The following CD200R1 variants were observed in gnomAD, a reference collection of about 807,000 sequenced individuals.
The protein encoded by CD200R1 is cell surface glycoprotein CD200 receptor 1.
In CD200R1, 30 loss-of-function variants were observed where a neutral mutation model predicts 38.1. That is an observed-to-expected ratio of 0.79 (90% CI 0.59 to 1.07). CD200R1 has a LOEUF of 1.07. Among genes scored for constraint, CD200R1 ranks in the 50% least tolerant of loss-of-function variants. The pLI, the probability that CD200R1 is intolerant of heterozygous loss-of-function variation, is 0.00. For synonymous variants in CD200R1, 128 were observed against 152.1 expected (o/e 0.84, Z 1.16); for missense variants, 372 against 415.4 (o/e 0.90, Z 0.91).
Position 112,945,307 on chromosome 3 carries a change from C to A in CD200R1, c.136+2549G>T, listed in dbSNP as rs576600571. Among the ~76,000 whole-genome samples the A allele has an allele frequency of 1.4e-4, 22 of 152,224 alleles. 1 individual carries two copies. Among genetic ancestry groups the A allele is most frequent in the Admixed American group, 9.2e-4 (14 of 15,294 alleles). On this transcript the variant is annotated intron_variant, in intron 2 of 7. Coordinates refer to ENST00000308611, the MANE Select transcript of CD200R1 (RefSeq NM_138806.4). ...ACAAAGTTTGAGGCCTGACACTATT[C>A]GACTTCAAGATTTACTATAAAGCTA...
chr3:112,940,061 A>T (rs1208036948), intron 2 of CD200R1, among the ~76,000 whole-genome samples: 1 of 151,984 alleles, frequency 6.6e-6, no homozygotes, highest in Admixed American at 6.6e-5. Context: ...AAGAACATAC[A>T]TTTGGGAAAG....
rs1940178824 is a variant in CD200R1 at position 112,921,953 on chromosome 3, T to C, written c.*1724A>G. On this transcript the variant is annotated 3_prime_UTR_variant, in exon 8 of 8. Transcript: ENST00000308611. ...GAGCCTCAGCTCAACCAGGGTTGGA[T>C]GAAGAATTAATAAATTTCAAGGACA... 6.6e-6 allele frequency: 1 copy of C among 152,060 alleles called. No homozygotes were observed. The highest frequency in any genetic ancestry group is 2.1e-4 in the South Asian group (1 of 4,832). The allele number at this position is 152,060 out of a possible 1,614,324, so 9.4% of individuals were successfully genotyped here. A position where few individuals can be genotyped will look rare whatever the true frequency, so the allele number is the denominator to read the frequency against.
At chr3:112,944,203 G>A (rs1034365727) in intron 2 of CD200R1, among the ~76,000 whole-genome samples, 1 of 151,830 alleles carries the variant, frequency 6.6e-6, no homozygotes, top group South Asian at 2.1e-4. Context: ...GAAAACCACA[G>A]ACCAATATCT....
chr3:112,956,186 C>T (rs946489172), intron 1 of CD200R1, among the ~76,000 whole-genome samples: 4 of 151,554 alleles, frequency 2.6e-5, no homozygotes, highest in Non-Finnish European at 5.9e-5. Context: ...ATCCTGTGAG[C>T]CTTCTTCATT....
At chr3:112,942,971 A>C (rs1940761716) in intron 2 of CD200R1, among the ~76,000 whole-genome samples, 1 of 151,784 alleles carries the variant, frequency 6.6e-6, no homozygotes, top group South Asian at 2.1e-4. Context: ...AGAGGATCAA[A>C]ATATATGAGG....
At chr3:112,941,102 T>C (rs1940717768) in intron 2 of CD200R1, among the ~76,000 whole-genome samples, 1 of 151,512 alleles carries the variant, frequency 6.6e-6, no homozygotes, top group Non-Finnish European at 1.5e-5. Flanking sequence ...TTAAAAAAAG[T>C]TGGTCTCATA....
Position 112,921,880 on chromosome 3 carries a change from ACTTT to A in CD200R1, c.*1793_*1796del, listed in dbSNP as rs1195333330. 1 of 152,034 alleles carries A rather than the reference ACTTT, an allele frequency of 6.6e-6. No individual in the cohort carries two copies. Among genetic ancestry groups the A allele is most frequent in the African/African-American group, 2.4e-5 (1 of 41,426 alleles). 9.4% of individuals were successfully genotyped at this position (152,034 alleles called of 1,614,324 possible). A position where few individuals can be genotyped will look rare whatever the true frequency, so the allele number is the denominator to read the frequency against. On this transcript the variant is annotated 3_prime_UTR_variant, in exon 8 of 8. Coordinates refer to ENST00000308611, the MANE Select transcript of CD200R1 (RefSeq NM_138806.4). Reference sequence around the variant, plus strand: ...TAAGAGGTAAGCATAGTACTGTCTTACTTTGTTTTTCAGTAATATTTAAACAGAT... The same window carrying A: ...TAAGAGGTAAGCATAGTACTGTCTTAGTTTTTCAGTAATATTTAAACAGAT...
chr3:112,921,645 A>C lies in CD200R1; in HGVS notation c.*2032T>G, dbSNP rs1220475249. Reference sequence around the variant, plus strand: ...ATGACCTTGCTGACACGCCAGGTCTAATCTCTAGATTCTCTAATTTGACAG... The same window carrying C: ...ATGACCTTGCTGACACGCCAGGTCTCATCTCTAGATTCTCTAATTTGACAG... On this transcript the variant is annotated 3_prime_UTR_variant, in exon 8 of 8. Coordinates refer to ENST00000308611, the MANE Select transcript of CD200R1 (RefSeq NM_138806.4). 1 of 152,058 alleles carries C rather than the reference A, an allele frequency of 6.6e-6. No individual in the cohort carries two copies. The highest frequency in any genetic ancestry group is 1.5e-5 in the Non-Finnish European group (1 of 67,984). The allele number at this position is 152,058 out of a possible 1,614,324, so 9.4% of individuals were successfully genotyped here.
chr3:112,945,696 A>T (rs889264922), intron 2 of CD200R1, among the ~76,000 whole-genome samples: 1 of 152,158 alleles, frequency 6.6e-6, no homozygotes, highest in Non-Finnish European at 1.5e-5. Context: ...TAAAATAAAG[A>T]ATCTATAAAC....
At chr3:112,953,379 A>G (rs1040052258) in intron 1 of CD200R1, among the ~76,000 whole-genome samples, 3 of 152,034 alleles carry the variant, frequency 2.0e-5, no homozygotes, top group Non-Finnish European at 2.9e-5. Flanking sequence ...GATTTTTTGC[A>G]TTTATGTTTA....
intron 1 of CD200R1, among the ~76,000 whole-genome samples, chr3:112,960,010 C>T (rs1932977281): frequency 6.6e-6 from 1 of 152,036 alleles, no homozygotes; most frequent in Non-Finnish European, 1.5e-5. Flanking sequence ...AAGTACATTA[C>T]AAACTGAAGC....
chr3:112,947,801 T>A (rs1388398543), intron 2 of CD200R1, 55 bp downstream of exon 2: 32 of 1,113,280 alleles, frequency 2.9e-5, no homozygotes, highest in Non-Finnish European at 4.3e-5. Context: ...ATGTAAAACC[T>A]ATATGGACAT....
intron 1 of CD200R1, among the ~76,000 whole-genome samples, chr3:112,968,910 A>C (rs149415901): frequency 0.016 from 2,411 of 152,298 alleles, 40 homozygotes; most frequent in Admixed American, 0.051. Flanking sequence ...TTCAAAACCC[A>C]AATAAAACTA....
Position 112,931,115 on chromosome 3 carries a change from G to A in CD200R1, c.193C>T (p.Leu65Phe), listed in dbSNP as rs1024730271. 1.9e-6 allele frequency: 3 copies of A among 1,608,776 alleles called. No individual in the cohort carries two copies. The highest frequency in any genetic ancestry group is 2.2e-5 in the East Asian group (1 of 44,846). The change falls in exon 3 of 8, where the codon CTC becomes TTC. Residue 65 changes from leucine to phenylalanine, a missense_variant. Transcript: ENST00000308611. ...TAAGGAAGCATATTACCTTCTGCGAGTACTTTCGAGTAGTTCTGTGTAATC... is the reference window on the plus strand; with the variant it reads ...TAAGGAAGCATATTACCTTCTGCGAATACTTTCGAGTAGTTCTGTGTAATC... ...KQITQNYSKV[L>F]AEVNTSWPVK...
chr3:112,960,626 T>C (rs1199323842), intron 1 of CD200R1, among the ~76,000 whole-genome samples: 1 of 152,020 alleles, frequency 6.6e-6, no homozygotes, highest in African/African-American at 2.4e-5. Flanking sequence ...ATAAATGTTA[T>C]TGTTTGGGAT....
chr3:112,930,561 G>C (rs1393268727), intron 3 of CD200R1, among the ~76,000 whole-genome samples: 1 of 152,192 alleles, frequency 6.6e-6, no homozygotes, highest in Non-Finnish European at 1.5e-5. Context: ...TCAGTGACTT[G>C]GTAAGGGTTT....
intron 1 of CD200R1, among the ~76,000 whole-genome samples, chr3:112,961,659 T>A (rs1258303043): frequency 1.3e-5 from 2 of 152,012 alleles, no homozygotes. Context: ...AGTCTGACTC[T>A]AGAGAGAATT....
intron 1 of CD200R1, among the ~76,000 whole-genome samples, chr3:112,963,428 C>G (rs1933073537): frequency 6.6e-6 from 1 of 152,142 alleles, no homozygotes; most frequent in Non-Finnish European, 1.5e-5. Flanking sequence ...ACAATGAAAT[C>G]CAGGCTTAGG....
intron 1 of CD200R1, among the ~76,000 whole-genome samples, chr3:112,965,359 A>T (rs1165920765): frequency 6.6e-6 from 1 of 152,222 alleles, no homozygotes; most frequent in African/African-American, 2.4e-5. Flanking sequence ...TAAGTCTTTC[A>T]AGAATGCTGA....
Sources: gnomAD v4.1 joint callset for allele counts (sites outside exome capture counted in the v4.1 genomes callset) on GRCh38, gnomAD v4.1.1 for gene constraint, MANE v1.5 for transcripts, NCBI Gene and HGNC (gene_info 2026-07-23, HGNC 2026-07-21) for gene names.